Variants in CSK observed in about 807,000 individuals in gnomAD.
CSK encodes C-terminal Src kinase, also known as tyrosine-protein kinase CSK.
CSK carries 7 observed loss-of-function variants against 62.3 expected under a neutral mutation model. That is an observed-to-expected ratio of 0.11 (90% CI 0.06 to 0.21). The LOEUF is 0.21. CSK is among the 10% of genes least tolerant of loss of function. The pLI is 1.00. For missense variants in CSK, 294 were observed against 613.5 expected (o/e 0.48, Z 5.50); for synonymous variants, 237 against 246.0 (o/e 0.96, Z 0.34).
At chr15:74,786,301 G>A (rs554188344) in intron 1 of CSK, among the ~76,000 whole-genome samples, 2 of 152,178 alleles carry the variant, frequency 1.3e-5, no homozygotes, top group African/African-American at 2.4e-5. Flanking sequence ...GATTATAGGC[G>A]TGAGCCACTG....
intron 1 of CSK, among the ~76,000 whole-genome samples, chr15:74,794,808 G>A (rs967293746): frequency 2.6e-5 from 4 of 152,008 alleles, no homozygotes; most frequent in South Asian, 2.1e-4. Flanking sequence ...CTCCCTGGCC[G>A]TCTCCTCCCC....
intron 1 of CSK, among the ~76,000 whole-genome samples, chr15:74,783,866 C>T (rs1247170442): frequency 6.6e-6 from 1 of 152,230 alleles, no homozygotes; most frequent in Non-Finnish European, 1.5e-5. Context: ...CCAGCTGGCA[C>T]AGGAGCAGCC....
At chr15:74,789,460 GT>G (rs1306853813) in intron 1 of CSK, among the ~76,000 whole-genome samples, 1 of 152,204 alleles carries the variant, frequency 6.6e-6, no homozygotes, top group Non-Finnish European at 1.5e-5. Context: ...TCAGCCTGGT[GT>G]CCTCTGCAGA....
At position 74,798,950 on chromosome 15, in the gene CSK, G is replaced by A. The variant is rs372362241; in HGVS notation, c.242+12G>A. 109 of 1,508,592 alleles carry A rather than the reference G, an allele frequency of 7.2e-5. No homozygotes were observed. The highest frequency in any genetic ancestry group is 6.7e-5 in the Admixed American group (3 of 44,730). 93.5% of individuals were successfully genotyped at this position (1,508,592 alleles called of 1,614,324 possible). ...CTCAGCCTCATGCCGTGAGTACCAC[G>A]AGGAGGGGTTGGGGAGGGAAGGGGC... On this transcript the variant is annotated intron_variant, in intron 4 of 12. Coordinates refer to ENST00000220003, the MANE Select transcript of CSK (RefSeq NM_004383.3). This position sits in a 1 kb window ranked among gnomAD's most constrained non-coding sequence, Gnocchi z 6.6.
At position 74,799,028 on chromosome 15, in the gene CSK, G is replaced by T; in HGVS notation, c.242+90G>T. On this transcript the variant is annotated intron_variant, in intron 4 of 12. Coordinates refer to ENST00000220003, the MANE Select transcript of CSK (RefSeq NM_004383.3). ...GCAAGCAGGGAGGCCAGAGTGAGGGGCTTGGGTGTTGGGGAGGGCCTCAGG... is the reference window on the plus strand; with the variant it reads ...GCAAGCAGGGAGGCCAGAGTGAGGGTCTTGGGTGTTGGGGAGGGCCTCAGG... 4 of 1,242,414 alleles carry T rather than the reference G, an allele frequency of 3.2e-6. No homozygotes were observed. The East Asian group carries it at 1.0e-4, about 31-fold the overall frequency. The allele number at this position is 1,242,414 out of a possible 1,614,324, so 77.0% of individuals were successfully genotyped here. A position where few individuals can be genotyped will look rare whatever the true frequency, so the allele number is the denominator to read the frequency against.
intron 4 of CSK, 150 bp from the exon 5 acceptor site, chr15:74,799,122 A>G: frequency 1.0e-6 from 1 of 996,326 alleles, no homozygotes; most frequent in Admixed American, 2.7e-5. Flanking sequence ...AGGGTGGCAA[A>G]GAAGGGACAG....
At chr15:74,785,671 G>C (rs1596366478) in intron 1 of CSK, among the ~76,000 whole-genome samples, 1 of 152,208 alleles carries the variant, frequency 6.6e-6, no homozygotes, top group East Asian at 1.9e-4. Flanking sequence ...CATTGTTGAA[G>C]GAGTGCCCAC....
intron 1 of CSK, among the ~76,000 whole-genome samples, chr15:74,791,259 T>C (rs1045025893): frequency 1.1e-4 from 17 of 152,320 alleles, no homozygotes; most frequent in South Asian, 2.1e-4. Flanking sequence ...GCTTTTTTTT[T>C]CACAGCCTTT....
intron 1 of CSK, among the ~76,000 whole-genome samples, chr15:74,796,415 G>A (rs1210041715): frequency 6.6e-6 from 1 of 151,832 alleles, no homozygotes; most frequent in Non-Finnish European, 1.5e-5. Flanking sequence ...GAAAAGGCAG[G>A]CACACTCAGT....
chr15:74,791,728 A>G (rs1487649728), intron 1 of CSK, among the ~76,000 whole-genome samples: 1 of 152,162 alleles, frequency 6.6e-6, no homozygotes, highest in Non-Finnish European at 1.5e-5. Context: ...TGACATGAAG[A>G]GTCCGGGCCA....
chr15:74,796,616 A>G (rs1159247482), intron 1 of CSK, among the ~76,000 whole-genome samples: 2 of 151,872 alleles, frequency 1.3e-5, no homozygotes, highest in East Asian at 1.9e-4. Flanking sequence ...AAAAGAAAAG[A>G]AAAAGAAAAA....
At chr15:74,785,175 T>C (rs561268494) in intron 1 of CSK, among the ~76,000 whole-genome samples, 2 of 152,334 alleles carry the variant, frequency 1.3e-5, no homozygotes, top group East Asian at 3.9e-4. Context: ...TTCCCCATCC[T>C]TTTCCTTCAT....
In CSK at chr15:74,802,691, C is replaced by A. The variant is rs1290244915; in HGVS notation, c.*178C>A. 8 of 723,020 alleles carry A rather than the reference C, an allele frequency of 1.1e-5. No individual in the cohort carries two copies. The highest frequency in any genetic ancestry group is 3.9e-5 in the Admixed American group (1 of 25,488). 44.8% of individuals were successfully genotyped at this position (723,020 alleles called of 1,614,324 possible). On this transcript the variant is annotated 3_prime_UTR_variant, in exon 13 of 13. Coordinates refer to ENST00000220003, the MANE Select transcript of CSK (RefSeq NM_004383.3). ...GTCTCTCTTGGACCCACCTGTGGGG[C>A]CTGGGGAGCCCACTGAGGGGCCAGG...
chr15:74,785,914 G>A (rs1356351146), intron 1 of CSK, among the ~76,000 whole-genome samples: 1 of 152,060 alleles, frequency 6.6e-6, no homozygotes, highest in Non-Finnish European at 1.5e-5. Context: ...CTGCTGGTTA[G>A]GGTCCGGGAC....
intron 1 of CSK, among the ~76,000 whole-genome samples, chr15:74,787,262 C>T (rs2063537127): frequency 6.6e-6 from 1 of 152,150 alleles, no homozygotes; most frequent in Non-Finnish European, 1.5e-5. Flanking sequence ...GCTGGTGCTC[C>T]CTGCATGGCT....
At chr15:74,789,213 G>A (rs557098916) in intron 1 of CSK, among the ~76,000 whole-genome samples, 13 of 152,324 alleles carry the variant, frequency 8.5e-5, no homozygotes, top group Admixed American at 2.6e-4. Flanking sequence ...CGGGAGCCCC[G>A]GGATGGGGGT....
chr15:74,791,646 C>T (rs1262315171), intron 1 of CSK, among the ~76,000 whole-genome samples: 2 of 152,210 alleles, frequency 1.3e-5, no homozygotes, highest in Non-Finnish European at 2.9e-5. Context: ...TGAATCTTGT[C>T]ATGTTTCTCT....
chr15:74,782,337 CG>C lies in CSK; in HGVS notation c.-448del, dbSNP rs1378153417. On this transcript the variant is annotated 5_prime_UTR_variant, in exon 1 of 13. Coordinates refer to ENST00000220003, the MANE Select transcript of CSK (RefSeq NM_004383.3). The surrounding 1 kb of genome is among the most constrained non-coding windows in gnomAD (Gnocchi z 5.7). ...CCTCTGGCCGCCGGAGCCCGCGGGGCGTGGAGCGCGAGGAGCCCCGCGGCCC... is the reference window on the plus strand; with the variant it reads ...CCTCTGGCCGCCGGAGCCCGCGGGGCTGGAGCGCGAGGAGCCCCGCGGCCC... 10 of 149,934 alleles carry C rather than the reference CG, an allele frequency of 6.7e-5. No homozygotes were observed. Among genetic ancestry groups the C allele is most frequent in the African/African-American group, 2.2e-4 (9 of 41,064 alleles). The allele number at this position is 149,934 out of a possible 1,614,324, so 9.3% of individuals were successfully genotyped here. A position where few individuals can be genotyped will look rare whatever the true frequency, so the allele number is the denominator to read the frequency against.
At position 74,800,684 on chromosome 15, in the gene CSK, G is replaced by A. The variant is rs1310202149; in HGVS notation, c.560G>A (p.Gly187Asp). ...VAAQDEFYRS[G>D]WALNMKELKL... ...CCTCACTGGCCCCTCCCCACAGGCG[G>A]CTGGGCCCTGAACATGAAGGAGCTG... The change falls in exon 7 of 13, where the codon GGC (glycine) becomes GAC (aspartate). Residue 187 changes from glycine to aspartate, a missense_variant. Gly to Asp is a moderately conservative substitution (Grantham distance 94). Around this residue, in one of 3 missense-constraint regions of CSK, gnomAD observed 202 missense variants for 415.7 expected, o/e 0.49. Coordinates refer to ENST00000220003, the MANE Select transcript of CSK (RefSeq NM_004383.3). The A allele has an allele frequency of 6.5e-7, 1 of 1,550,216 alleles. No individual in the cohort carries two copies. The highest frequency in any genetic ancestry group is 8.7e-7 in the Non-Finnish European group (1 of 1,145,708).
Sources: allele counts gnomAD v4.1 joint callset (sites outside exome capture counted in the v4.1 genomes callset), GRCh38; gene constraint gnomAD v4.1.1; regional missense constraint gnomAD v4.1.1; non-coding constraint Gnocchi (gnomAD v3.1); transcripts MANE v1.5; gene names NCBI Gene and HGNC (gene_info 2026-07-23, HGNC 2026-07-21).